The following SULF2 variants were observed in gnomAD, a reference collection of about 807,000 sequenced individuals.
SULF2 encodes the protein extracellular sulfatase Sulf-2.
A neutral mutation model predicts 107.7 loss-of-function variants in SULF2; 52 were observed. The ratio of observed to expected loss-of-function variants is 0.48; its 90% CI spans 0.39 to 0.61. The LOEUF (loss-of-function observed/expected upper bound fraction) is 0.61. Among genes scored for constraint, SULF2 ranks in the 20% least tolerant of loss-of-function variants. The pLI is 0.00. For synonymous variants in SULF2, 460 were observed against 464.3 expected (o/e 0.99, Z 0.12); for missense variants, 993 against 1,177.3 (o/e 0.84, Z 2.29).
At chr20:47,665,418 C>T (rs1203571506) in intron 13 of SULF2, 125 bp from the exon 14 acceptor site, 2 of 721,426 alleles carry the variant, frequency 2.8e-6, no homozygotes, top group Non-Finnish European at 5.0e-6. Context: ...TCCCCGGGCC[C>T]CAGGGCAAGC....
At chr20:47,659,785 AC>A (rs1486694024) in intron 18 of SULF2, 55 bp from the exon 19 acceptor site, 2 of 1,333,982 alleles carry the variant, frequency 1.5e-6, no homozygotes, top group Non-Finnish European at 2.1e-6. Context: ...AGGCAAAACA[AC>A]CCCAACACAC....
At position 47,731,182 on chromosome 20, in the gene SULF2, CTTCTCTTTTTT is replaced by C. The variant is rs939088288; in HGVS notation, c.415+5510_415+5520del. 3.1e-4 allele frequency among the ~76,000 whole-genome samples: 31 copies of C among 99,596 alleles called. 1 individual carries two copies. Among genetic ancestry groups the C allele is most frequent in the Non-Finnish European group, 4.8e-4 (26 of 54,056 alleles). 65.3% of individuals were successfully genotyped at this position (99,596 alleles called of 152,430 possible). A position where few individuals can be genotyped will look rare whatever the true frequency, so the allele number is the denominator to read the frequency against. On this transcript the variant is annotated intron_variant, in intron 3 of 20. Transcript: ENST00000688720. ...GACTCTGCCTGCTACTCACCTGTAT[CTTCTCTTTTTT>C]TTTTTTTTTTTTTTTTTGAGACAGA...
rs992266971 is a variant in SULF2, at chr20:47,666,788, C to T, written c.1577-300G>A. On this transcript the variant is annotated intron_variant, in intron 11 of 20. Transcript: ENST00000688720. The surrounding 1 kb of genome is among the most constrained non-coding windows in gnomAD (Gnocchi z 5.4). Reference sequence around the variant, plus strand: ...AAATGGCGGTACATCATCTGTACAACGGAATATGCGACCAGAACCAGGAGC... The same window carrying T: ...AAATGGCGGTACATCATCTGTACAATGGAATATGCGACCAGAACCAGGAGC... 1.9e-4 allele frequency among the ~76,000 whole-genome samples: 29 copies of T among 152,224 alleles called. No individual in the cohort carries two copies. Among genetic ancestry groups the T allele is most frequent in the Admixed American group, 2.6e-4 (4 of 15,282 alleles).
chr20:47,731,318 C>A (rs1485397603), intron 3 of SULF2, among the ~76,000 whole-genome samples: 1 of 151,388 alleles, frequency 6.6e-6, no homozygotes, highest in Non-Finnish European at 1.5e-5. Context: ...TCAGCCTCCC[C>A]TGTAGCTGGG....
chr20:47,685,815 T>C (rs1568814500), intron 5 of SULF2: 1 of 152,338 alleles, frequency 6.6e-6, no homozygotes. Flanking sequence ...GCACCTGGCA[T>C]GCTGCTTAAT....
chr20:47,770,946 C>T (rs954092221), intron 1 of SULF2, among the ~76,000 whole-genome samples: 1 of 152,202 alleles, frequency 6.6e-6, no homozygotes, highest in African/African-American at 2.4e-5. Context: ...GGGCTACGCA[C>T]GTCTGGCCAG....
At chr20:47,736,460 G>T (rs1263278026) in intron 3 of SULF2, among the ~76,000 whole-genome samples, 3 of 152,202 alleles carry the variant, frequency 2.0e-5, no homozygotes, top group African/African-American at 7.2e-5. Flanking sequence ...AGTTTGAAAA[G>T]ACTCACTTTT....
At chr20:47,698,483 T>C (rs2088457430) in intron 4 of SULF2, among the ~76,000 whole-genome samples, 1 of 151,710 alleles carries the variant, frequency 6.6e-6, no homozygotes, top group African/African-American at 2.4e-5. Flanking sequence ...GCTGGGAGGA[T>C]ATAAGGAAGG....
At chr20:47,711,230 C>T (rs2088917973) in intron 3 of SULF2, among the ~76,000 whole-genome samples, 1 of 152,234 alleles carries the variant, frequency 6.6e-6, no homozygotes, top group Admixed American at 6.5e-5. Flanking sequence ...TTCCCAGTAA[C>T]ACAGGTGGTA....
At chr20:47,782,580 A>T (rs935095367) in intron 1 of SULF2, among the ~76,000 whole-genome samples, 1 of 152,138 alleles carries the variant, frequency 6.6e-6, no homozygotes, top group Non-Finnish European at 1.5e-5. Flanking sequence ...TCGAGACTCC[A>T]TCACCAACCA....
chr20:47,665,407 C>A, intron 13 of SULF2, 114 bp from the exon 14 acceptor site: 1 of 766,292 alleles, frequency 1.3e-6, no homozygotes, highest in Non-Finnish European at 2.3e-6. Flanking sequence ...GCAGCCTGCA[C>A]TCCCCGGGCC....
intron 1 of SULF2, among the ~76,000 whole-genome samples, chr20:47,762,167 G>A (rs903755760): frequency 9.2e-5 from 14 of 152,326 alleles, no homozygotes; most frequent in African/African-American, 2.6e-4. Flanking sequence ...CATTATCAGT[G>A]GCCCATGTCC....
intron 1 of SULF2, among the ~76,000 whole-genome samples, chr20:47,774,244 C>T (rs2090685009): frequency 6.6e-6 from 1 of 152,184 alleles, no homozygotes; most frequent in African/African-American, 2.4e-5. Context: ...GGAGGAAAGC[C>T]CGGGTCAGAG....
At chr20:47,773,867 A>G (rs1328616491) in intron 1 of SULF2, among the ~76,000 whole-genome samples, 1 of 152,156 alleles carries the variant, frequency 6.6e-6, no homozygotes, top group Non-Finnish European at 1.5e-5. Context: ...CCCACAGAAC[A>G]TGTATTTATG....
intron 2 of SULF2, among the ~76,000 whole-genome samples, chr20:47,742,338 C>T (rs1032604226): frequency 2.0e-5 from 3 of 152,196 alleles, no homozygotes; most frequent in African/African-American, 7.2e-5. Flanking sequence ...GCTGGGCCAG[C>T]CAACCTCAAC....
intron 3 of SULF2, among the ~76,000 whole-genome samples, chr20:47,736,470 T>C (rs2089732678): frequency 2.0e-5 from 3 of 152,236 alleles, no homozygotes. Context: ...GACTCACTTT[T>C]TTGGGGGACT....
At chr20:47,677,364 C>T (rs1429191163) in intron 8 of SULF2, among the ~76,000 whole-genome samples, 1 of 151,818 alleles carries the variant, frequency 6.6e-6, no homozygotes, top group Non-Finnish European at 1.5e-5. Context: ...GTAGAAATGA[C>T]CCAGGTCAAA....
chr20:47,672,218 C>T lies in SULF2; in HGVS notation c.1556G>A (p.Arg519Gln), dbSNP rs200396483. 1.6e-5 allele frequency: 26 copies of T among 1,608,554 alleles called. No individual in the cohort carries two copies. In the Admixed American group the frequency reaches 2.0e-4, roughly 12 times the overall value. Residue 519 changes from arginine to glutamine, a missense_variant, in exon 11 of 21, where the codon CGG (arginine) becomes CAG (glutamine). Arg to Gln is a conservative substitution (Grantham distance 43). Coordinates refer to ENST00000688720, the MANE Select transcript of SULF2 (RefSeq NM_001387048.1). ...CTTACTCTTCTTGAAGAGTTTTTTC[C>T]GGCGTCCGGCCAGGCTGAGCTTGTA... ...GDYKLSLAGR[R>Q]KKLFKKKYKA...
intron 1 of SULF2, among the ~76,000 whole-genome samples, chr20:47,761,471 GGAAAA>G (rs1210208352): frequency 2.0e-5 from 3 of 152,174 alleles, no homozygotes; most frequent in Non-Finnish European, 2.9e-5. Flanking sequence ...ACATGTTTTG[GGAAAA>G]GAAAACTTCC....
Sources: gnomAD v4.1 joint callset for allele counts (sites outside exome capture counted in the v4.1 genomes callset) on GRCh38, gnomAD v4.1.1 for gene constraint, Gnocchi (gnomAD v3.1) non-coding constraint, MANE v1.5 for transcripts, NCBI Gene and HGNC (gene_info 2026-07-23, HGNC 2026-07-21) for gene names.